The following CNTN4 variants were observed in gnomAD, a reference collection of about 807,000 sequenced individuals.
CNTN4 encodes contactin 4.
CNTN4 carries 77 observed loss-of-function variants against 122.5 expected under a neutral mutation model. That is an observed-to-expected ratio of 0.63 (90% CI 0.52 to 0.76). CNTN4 has a LOEUF of 0.76. Ranked by LOEUF, CNTN4 falls within the 30% of genes least tolerant of loss-of-function variation. The probability of loss-of-function intolerance (pLI) is 0.00; values close to 1 mark genes in which losing one functional copy is unlikely to be tolerated. For synonymous variants in CNTN4, 512 were observed against 447.0 expected, an observed-to-expected ratio of 1.15 and a Z score of -1.83; for missense variants, 1,256 against 1,259.1, an observed-to-expected ratio of 1.00 and a Z score of 0.04.
At chr3:2,707,275 C>T (rs916543986) in intron 4 of CNTN4, among the ~76,000 whole-genome samples, 1 of 151,386 alleles carries the variant, frequency 6.6e-6, no homozygotes, top group East Asian at 1.9e-4. Flanking sequence ...CACTGCACTC[C>T]AGCCTGGATG....
intron 4 of CNTN4, among the ~76,000 whole-genome samples, chr3:2,735,163 G>A (rs2088989428): frequency 6.6e-6 from 1 of 152,132 alleles, no homozygotes; most frequent in Non-Finnish European, 1.5e-5. Flanking sequence ...AGTAGAAAAA[G>A]ATAAGCGTCT....
intron 4 of CNTN4, among the ~76,000 whole-genome samples, chr3:2,699,697 G>A (rs1457312264): frequency 6.6e-6 from 1 of 152,130 alleles, no homozygotes; most frequent in Non-Finnish European, 1.5e-5. Flanking sequence ...AGTTTGGAAT[G>A]GAAATTAACA....
At chr3:2,425,310 C>T (rs1378967493) in intron 3 of CNTN4, among the ~76,000 whole-genome samples, 1 of 152,096 alleles carries the variant, frequency 6.6e-6, no homozygotes, top group African/African-American at 2.4e-5. Flanking sequence ...TTTCCCAGCA[C>T]CATTTATTAA....
intron 6 of CNTN4, among the ~76,000 whole-genome samples, chr3:2,795,599 C>T (rs2150009915): frequency 6.6e-6 from 1 of 150,464 alleles, no homozygotes; most frequent in East Asian, 2.0e-4. Flanking sequence ...CGGCTCAGTG[C>T]AAGCTCTGCC....
At chr3:2,190,913 T>C in intron 2 of CNTN4, among the ~76,000 whole-genome samples, 1 of 151,878 alleles carries the variant, frequency 6.6e-6, no homozygotes, top group East Asian at 1.9e-4. Flanking sequence ...ACAGTTCACA[T>C]ATATTCAGAT....
intron 13 of CNTN4, among the ~76,000 whole-genome samples, chr3:2,944,035 A>T (rs1382711332): frequency 6.6e-6 from 1 of 152,264 alleles, no homozygotes; most frequent in East Asian, 1.9e-4. Flanking sequence ...ATAGTAAAAA[A>T]TAAAAATAAA....
At chr3:2,276,793 G>A (rs569363284) in intron 2 of CNTN4, among the ~76,000 whole-genome samples, 94 of 152,220 alleles carry the variant, frequency 6.2e-4, no homozygotes, top group African/African-American at 2.1e-3. Flanking sequence ...GCGCGTGCTT[G>A]TGATCCCAGC....
At chr3:2,662,712 G>T (rs1043764230) in intron 4 of CNTN4, among the ~76,000 whole-genome samples, 5 of 152,140 alleles carry the variant, frequency 3.3e-5, no homozygotes, top group African/African-American at 1.2e-4. Context: ...ACTATCTGTT[G>T]ACATAAAGGA....
chr3:2,399,023 T>C (rs2046743232), intron 3 of CNTN4, among the ~76,000 whole-genome samples: 1 of 152,074 alleles, frequency 6.6e-6, no homozygotes, highest in African/African-American at 2.4e-5. Flanking sequence ...CAGACAGCAT[T>C]TGGGGAGAAG....
intron 14 of CNTN4, among the ~76,000 whole-genome samples, chr3:3,006,013 G>A (rs1488940309): frequency 6.6e-6 from 1 of 151,288 alleles, no homozygotes; most frequent in East Asian, 2.0e-4. Context: ...AGCCTCCCAA[G>A]TAGCTGGGAC....
At chr3:2,543,585 A>G (rs2078118847) in intron 3 of CNTN4, among the ~76,000 whole-genome samples, 1 of 152,098 alleles carries the variant, frequency 6.6e-6, no homozygotes, top group Admixed American at 6.6e-5. Flanking sequence ...ATCGATTTTT[A>G]GCTTCAGTGA....
At chr3:2,384,239 C>G (rs183000538) in intron 3 of CNTN4, among the ~76,000 whole-genome samples, 4 of 152,060 alleles carry the variant, frequency 2.6e-5, no homozygotes, top group African/African-American at 9.7e-5. Context: ...CAAGCCTAAA[C>G]GTAGGCCCTG....
At chr3:3,003,694 AAAAAAAAAAAAAAAAAAAAAC>A (rs1559775878) in intron 14 of CNTN4, among the ~76,000 whole-genome samples, 10 of 144,748 alleles carry the variant, frequency 6.9e-5, no homozygotes, top group African/African-American at 2.4e-4. Flanking sequence ...CAAAAAAAAA[AAAAAAAAAAAAAAAAAAAAAC>A]AAAAAAACCC....
chr3:2,120,374 A>AATATATATATATATATATAT (rs1185851358), intron 2 of CNTN4, among the ~76,000 whole-genome samples: 1 of 59,092 alleles, frequency 1.7e-5, no homozygotes, highest in Non-Finnish European at 3.2e-5. Context: ...TATATATATA[A>AATATATATATATATATATAT]ATATATATAT....
intron 3 of CNTN4, among the ~76,000 whole-genome samples, chr3:2,521,091 T>G (rs2077194963): frequency 6.6e-6 from 1 of 152,142 alleles, no homozygotes; most frequent in African/African-American, 2.4e-5. Flanking sequence ...CTTCTTGCTC[T>G]GTTGGCTGTT....
intron 12 of CNTN4, among the ~76,000 whole-genome samples, chr3:2,910,531 T>G (rs988173302): frequency 2.0e-5 from 3 of 152,212 alleles, no homozygotes; most frequent in Admixed American, 1.3e-4. Flanking sequence ...GTAAGAAATA[T>G]GTTATTTTTC....
intron 4 of CNTN4, among the ~76,000 whole-genome samples, chr3:2,590,814 G>GA (rs2080434452): frequency 1.3e-5 from 2 of 151,572 alleles, no homozygotes; most frequent in South Asian, 4.2e-4. Context: ...CTCTCCAGCA[G>GA]AAAAACTTTT....
chr3:2,676,853 C>A (rs1390606839), intron 4 of CNTN4, among the ~76,000 whole-genome samples: 3 of 152,178 alleles, frequency 2.0e-5, no homozygotes, highest in Admixed American at 2.0e-4. Flanking sequence ...CATGTATCAT[C>A]CAGCGAAGAC....
intron 2 of CNTN4, among the ~76,000 whole-genome samples, chr3:2,170,852 G>T (rs1384970464): frequency 6.6e-6 from 1 of 152,240 alleles, no homozygotes; most frequent in East Asian, 1.9e-4. Flanking sequence ...GATATTAAAT[G>T]TCATATAAAA....
Sources: gnomAD v4.1 joint callset for allele counts (sites outside exome capture counted in the v4.1 genomes callset) on GRCh38, gnomAD v4.1.1 for gene constraint, MANE v1.5 for transcripts, NCBI Gene and HGNC (gene_info 2026-07-23, HGNC 2026-07-21) for gene names.